Variants in CPM observed in about 807,000 individuals in gnomAD.
The protein encoded by CPM is carboxypeptidase M, also known as renal carboxypeptidase.
A neutral mutation model predicts 46.4 loss-of-function variants in CPM; 35 were observed. That is an observed-to-expected ratio of 0.75 (90% CI 0.58 to 1.00). CPM has a LOEUF of 1.00. Ranked by LOEUF, CPM falls within the 50% of genes least tolerant of loss-of-function variation. The pLI is 0.00. For synonymous variants in CPM, 195 were observed against 195.3 expected (o/e 1.00, Z 0.01); for missense variants, 422 against 530.4 (o/e 0.80, Z 2.01).
At chr12:68,923,210 T>C (rs1224865531) in intron 2 of CPM, among the ~76,000 whole-genome samples, 1 of 144,944 alleles carries the variant, frequency 6.9e-6, no homozygotes, top group East Asian at 2.0e-4. Flanking sequence ...TGTGTGTGTG[T>C]GTGTTTTGAG....
chr12:68,865,979 A>C (rs1396287034), intron 7 of CPM, among the ~76,000 whole-genome samples: 1 of 152,156 alleles, frequency 6.6e-6, no homozygotes, highest in African/African-American at 2.4e-5. Flanking sequence ...AGTCCACTGC[A>C]CGTTTGAAAG....
chr12:68,960,811 G>A (rs10784738), intron 1 of CPM, among the ~76,000 whole-genome samples: 57,667 of 151,808 alleles, frequency 0.38, 12,173 homozygotes, highest in East Asian at 0.57. Context: ...GCCCTCATTT[G>A]AGACCTTTGC....
intron 8 of CPM, among the ~76,000 whole-genome samples, chr12:68,856,902 GA>G (rs1341492154): frequency 7.9e-5 from 12 of 152,306 alleles, no homozygotes; most frequent in Middle Eastern, 3.4e-3. Flanking sequence ...ATTACAAAAT[GA>G]AATAAGGACA....
chr12:68,924,353 G>A (rs1056712637), intron 2 of CPM, among the ~76,000 whole-genome samples: 2 of 151,986 alleles, frequency 1.3e-5, no homozygotes, highest in African/African-American at 4.8e-5. Flanking sequence ...CAGGCGCAAT[G>A]GTGGGTGCCT....
intron 3 of CPM, 116 bp from the exon 4 acceptor site, chr12:68,872,072 C>A: frequency 1.9e-6 from 2 of 1,037,144 alleles, no homozygotes; most frequent in Non-Finnish European, 1.4e-6. Context: ...CAGACCCAAA[C>A]TAGTTTGTAA....
intron 1 of CPM, among the ~76,000 whole-genome samples, chr12:68,962,659 A>C (rs1184032485): frequency 6.6e-6 from 1 of 152,234 alleles, no homozygotes; most frequent in African/African-American, 2.4e-5. Flanking sequence ...TCAGGCCATG[A>C]TGGGAAGGGG....
At chr12:68,957,357 C>T (rs551987509) in intron 1 of CPM, 1 of 212,372 alleles carries the variant, frequency 4.7e-6, no homozygotes, top group South Asian at 8.5e-5. Flanking sequence ...ACACAGCTCT[C>T]TGGTGATTCT....
At chr12:68,892,056 A>C (rs548826697) in intron 2 of CPM, among the ~76,000 whole-genome samples, 1 of 152,204 alleles carries the variant, frequency 6.6e-6, no homozygotes, top group Non-Finnish European at 1.5e-5. Context: ...CGTTTTAATA[A>C]GCTCTCCAGG....
chr12:68,890,667 G>C (rs1431996750), intron 2 of CPM, among the ~76,000 whole-genome samples: 1 of 152,256 alleles, frequency 6.6e-6, no homozygotes, highest in African/African-American at 2.4e-5. Context: ...GCAGCATGCT[G>C]CTACGGTTTG....
At chr12:68,917,245 C>T (rs906974040) in intron 2 of CPM, among the ~76,000 whole-genome samples, 7 of 152,034 alleles carry the variant, frequency 4.6e-5, no homozygotes, top group Non-Finnish European at 8.8e-5. Flanking sequence ...AGGTCTCAGC[C>T]GTGAGACCTC....
At position 68,856,278 on chromosome 12, in the gene CPM, T is replaced by C. The variant is rs567237288; in HGVS notation, c.*159A>G. On this transcript the variant is annotated 3_prime_UTR_variant, in exon 9 of 9. Coordinates refer to ENST00000551568, the MANE Select transcript of CPM (RefSeq NM_198320.5). ...CATTCTTTTCATTATCACCACATAT[T>C]GCTTATTGTGGAATTTGGAAACATC... The C allele has an allele frequency of 6.5e-5, 51 of 784,114 alleles. No homozygotes were observed. The highest frequency in any genetic ancestry group is 9.2e-5 in the South Asian group (5 of 54,238). The allele number at this position is 784,114 out of a possible 1,614,324, so 48.6% of individuals were successfully genotyped here. A position where few individuals can be genotyped will look rare whatever the true frequency, so the allele number is the denominator to read the frequency against.
chr12:68,860,534 A>G (rs1242777605), intron 7 of CPM, among the ~76,000 whole-genome samples: 1 of 151,982 alleles, frequency 6.6e-6, no homozygotes, highest in Non-Finnish European at 1.5e-5. Context: ...GGCTCAAGCA[A>G]TCCACCTGCC....
intron 2 of CPM, among the ~76,000 whole-genome samples, chr12:68,892,678 C>T (rs957836309): frequency 6.6e-6 from 1 of 151,968 alleles, no homozygotes; most frequent in African/African-American, 2.4e-5. Flanking sequence ...TGCCTAACAT[C>T]GCGAAACCCT....
intron 1 of CPM, among the ~76,000 whole-genome samples, chr12:68,943,745 T>C (rs1443647852): frequency 6.6e-6 from 1 of 152,214 alleles, no homozygotes; most frequent in East Asian, 1.9e-4. Flanking sequence ...GATTGTGTGA[T>C]ATCAAACAAT....
chr12:68,870,661 C>T (rs1246288855), intron 4 of CPM, among the ~76,000 whole-genome samples: 2 of 152,234 alleles, frequency 1.3e-5, no homozygotes, highest in Admixed American at 6.5e-5. Context: ...GTATTTGGGA[C>T]TTCTGCTCTT....
intron 1 of CPM, among the ~76,000 whole-genome samples, chr12:68,960,063 A>AT (rs1341857161): frequency 6.6e-6 from 1 of 152,186 alleles, no homozygotes; most frequent in African/African-American, 2.4e-5. Flanking sequence ...CGGCCTTTTT[A>AT]TGGCTTTTGA....
chr12:68,955,345 G>A (rs145916777), intron 1 of CPM, among the ~76,000 whole-genome samples: 18 of 152,298 alleles, frequency 1.2e-4, no homozygotes, highest in East Asian at 7.7e-4. Flanking sequence ...TGCCTGGTGC[G>A]TAGTAGAAGT....
At chr12:68,843,031 C>G in intron 5 of CPM, 3 of 214,600 alleles carry the variant, frequency 1.4e-5, no homozygotes, top group Non-Finnish European at 2.8e-5. Context: ...CTTTATTTTT[C>G]GAGCCTAGCA....
upstream of CPM, among the ~76,000 whole-genome samples, chr12:68,935,419 C>G (rs998526914): frequency 6.6e-6 from 1 of 151,920 alleles, no homozygotes; most frequent in Admixed American, 6.6e-5. Flanking sequence ...CATCGCCACA[C>G]CTACGTAACT....
Sources: allele counts gnomAD v4.1 joint callset (sites outside exome capture counted in the v4.1 genomes callset), GRCh38; gene constraint gnomAD v4.1.1; transcripts MANE v1.5; gene names NCBI Gene and HGNC (gene_info 2026-07-23, HGNC 2026-07-21).